Variants in C3orf52 observed in about 807,000 individuals in gnomAD.
C3orf52 encodes the protein chromosome 3 open reading frame 52, also known as TPA-induced transmembrane protein.
C3orf52 carries 22 observed loss-of-function variants against 24.8 expected under a neutral mutation model. The observed-to-expected ratio is 0.89, with a 90% CI of 0.63 to 1.27. The LOEUF (loss-of-function observed/expected upper bound fraction) is 1.27. Ranked by LOEUF, C3orf52 falls within the 50% of genes most tolerant of loss-of-function variation. C3orf52 has a pLI of 0.00. For missense variants in C3orf52, 265 were observed against 260.7 expected, an observed-to-expected ratio of 1.02 and a Z score of -0.11; for synonymous variants, 93 against 100.2, an observed-to-expected ratio of 0.93 and a Z score of 0.43.
At chr3:112,110,333 A>C (rs2074067188) in intron 4 of C3orf52, among the ~76,000 whole-genome samples, 1 of 152,106 alleles carries the variant, frequency 6.6e-6, no homozygotes, top group African/African-American at 2.4e-5. Flanking sequence ...TGTCAAAAAA[A>C]TAAAAATAAA....
Position 112,102,875 on chromosome 3 carries a change from A to G in C3orf52, c.306A>G (p.Glu102=), listed in dbSNP as rs1428359567. Residue 102 remains glutamate (E), a synonymous_variant, in exon 3 of 6, where the codon GAA becomes GAG. Coordinates refer to ENST00000264848, the MANE Select transcript of C3orf52 (RefSeq NM_024616.3). ...ATGAAGATGAAAATGAAATACTTGA[A>G]TTATCATCAAACAAAACATTCTTCA... is the stretch of plus-strand genomic sequence containing the variant. ...YVDEDENEIL[E]LSSNKTFFIM... The G allele has an allele frequency of 1.3e-6, 2 of 1,588,304 alleles. No individual in the cohort carries two copies. Among genetic ancestry groups the G allele is most frequent in the South Asian group, 2.3e-5 (2 of 86,432 alleles).
At chr3:112,105,497 T>C (rs2074014820) in intron 3 of C3orf52, among the ~76,000 whole-genome samples, 1 of 151,990 alleles carries the variant, frequency 6.6e-6, no homozygotes, top group Non-Finnish European at 1.5e-5. Flanking sequence ...AAAAATTATT[T>C]TTTTCTCTAT....
At chr3:112,095,772 C>T (rs2073919904) in intron 2 of C3orf52, among the ~76,000 whole-genome samples, 1 of 142,610 alleles carries the variant, frequency 7.0e-6, no homozygotes, top group Non-Finnish European at 1.5e-5. Flanking sequence ...TGGGGAGAGT[C>T]ATGTTAGACG....
At chr3:112,094,511 T>C (rs990839585) in intron 2 of C3orf52, among the ~76,000 whole-genome samples, 1 of 152,236 alleles carries the variant, frequency 6.6e-6, no homozygotes, top group Non-Finnish European at 1.5e-5. Flanking sequence ...TCTAGTCTTT[T>C]GTTTAGTTGC....
chr3:112,127,233 T>TCTCTCTCTCCTC (rs1304160693), intron 4 of C3orf52, among the ~76,000 whole-genome samples: 2 of 152,200 alleles, frequency 1.3e-5, no homozygotes, highest in Non-Finnish European at 2.9e-5. Context: ...TGTGCCTCTT[T>TCTCTCTCTCCTC]CTCTCTCTCC....
chr3:112,092,295 C>A (rs936141533), intron 1 of C3orf52, among the ~76,000 whole-genome samples: 1 of 152,190 alleles, frequency 6.6e-6, no homozygotes, highest in Non-Finnish European at 1.5e-5. Flanking sequence ...TTGCTTAAAG[C>A]CACCTTGCCT....
chr3:112,103,854 G>A lies in C3orf52; in HGVS notation c.396+889G>A, dbSNP rs543888922. Among the ~76,000 whole-genome samples, 10 of 152,304 alleles carry A rather than the reference G, an allele frequency of 6.6e-5. No homozygotes were observed. The South Asian group carries it at 1.9e-3, about 28-fold the overall frequency. On this transcript the variant is annotated intron_variant, in intron 3 of 5. Coordinates refer to ENST00000264848, the MANE Select transcript of C3orf52 (RefSeq NM_024616.3). ...TGTGGTGACAGCTGGCAGAGATAAGGCTAAAAAGGAAGGCAGGCGTCAGGT... is the reference window on the plus strand; with the variant it reads ...TGTGGTGACAGCTGGCAGAGATAAGACTAAAAAGGAAGGCAGGCGTCAGGT...
chr3:112,092,243 A>G (rs1275390587), intron 1 of C3orf52, among the ~76,000 whole-genome samples: 1 of 152,178 alleles, frequency 6.6e-6, no homozygotes, highest in African/African-American at 2.4e-5. Context: ...CTATTTATAT[A>G]TTTTAAAGCT....
chr3:112,087,847 G>C (rs916765852), intron 1 of C3orf52, among the ~76,000 whole-genome samples: 13 of 152,152 alleles, frequency 8.5e-5, no homozygotes, highest in Non-Finnish European at 4.4e-5. Context: ...TCCCTAGCTT[G>C]GGGCTGAATC....
At chr3:112,102,101 T>C (rs2107781468) in intron 2 of C3orf52, among the ~76,000 whole-genome samples, 2 of 151,356 alleles carry the variant, frequency 1.3e-5, no homozygotes, top group South Asian at 4.2e-4. Context: ...ATACCTGTCC[T>C]GTGAGACATA....
At chr3:112,113,824 A>G (rs1208553600) in intron 5 of C3orf52, among the ~76,000 whole-genome samples, 1 of 152,234 alleles carries the variant, frequency 6.6e-6, no homozygotes, top group African/African-American at 2.4e-5. Context: ...GAAGGTCAGA[A>G]GGCCAAATGG....
At chr3:112,100,316 A>G (rs1425200751) in intron 2 of C3orf52, among the ~76,000 whole-genome samples, 3 of 152,188 alleles carry the variant, frequency 2.0e-5, no homozygotes, top group Non-Finnish European at 4.4e-5. Flanking sequence ...AACTGTTTTC[A>G]TGTTCCTTCA....
In C3orf52 at chr3:112,086,552, TC is replaced by T. The variant is rs2073827690; in HGVS notation, c.138+11del. 3 of 1,549,546 alleles carry T rather than the reference TC, an allele frequency of 1.9e-6. No homozygotes were observed. The highest frequency in any genetic ancestry group is 2.6e-6 in the Non-Finnish European group (3 of 1,146,228). On this transcript the variant is annotated splice_region_variant and intron_variant, in intron 1 of 5. Coordinates refer to ENST00000264848, the MANE Select transcript of C3orf52 (RefSeq NM_024616.3). ...GGAGGTCCCCCCGGCCGAGGTAAGG[TC>T]CCCTTGGCGCTGGCCCTAACTTGCC...
At chr3:112,104,603 T>C (rs2074007211) in intron 3 of C3orf52, among the ~76,000 whole-genome samples, 2 of 152,166 alleles carry the variant, frequency 1.3e-5, no homozygotes, top group Admixed American at 1.3e-4. Context: ...TTTATATCTT[T>C]AAATTTTTTT....
At chr3:112,132,975 C>G (rs1231732837), downstream of C3orf52, 1 of 1,012,450 alleles carries the variant, frequency 9.9e-7, no homozygotes, top group Non-Finnish European at 1.5e-6. Context: ...GTTTCCTTAC[C>G]CAACTACTTT....
chr3:112,102,806 T>G, intron 2 of C3orf52, 32 bp from the exon 3 acceptor site: 1 of 1,525,680 alleles, frequency 6.6e-7, no homozygotes, highest in Non-Finnish European at 8.8e-7. Flanking sequence ...TTTACTTTTG[T>G]TTTTCATTTC....
intron 3 of C3orf52, among the ~76,000 whole-genome samples, chr3:112,105,212 C>G (rs1559973312): frequency 6.6e-6 from 1 of 152,178 alleles, no homozygotes; most frequent in Admixed American, 6.5e-5. Context: ...AACCAGTGCA[C>G]TTTCTCTGTG....
intron 1 of C3orf52, 67 bp downstream of exon 1, chr3:112,086,612 A>C: frequency 1.3e-6 from 2 of 1,495,348 alleles, no homozygotes; most frequent in South Asian, 1.3e-5. Context: ...CGGGCCTGGC[A>C]CCCGCGAGTT....
intron 4 of C3orf52, among the ~76,000 whole-genome samples, chr3:112,127,736 A>T (rs2107807468): frequency 6.6e-6 from 1 of 152,288 alleles, no homozygotes; most frequent in African/African-American, 2.4e-5. Context: ...GCAGACTCAG[A>T]TTTGCAGTGT....
Sources: gnomAD v4.1 joint callset for allele counts (sites outside exome capture counted in the v4.1 genomes callset) on GRCh38, gnomAD v4.1.1 for gene constraint, MANE v1.5 for transcripts, NCBI Gene and HGNC (gene_info 2026-07-23, HGNC 2026-07-21) for gene names.